The following ABHD12B variants were observed in gnomAD, a reference collection of about 807,000 sequenced individuals.
ABHD12B encodes the protein abhydrolase domain containing 12B, also known as protein ABHD12B.
A neutral mutation model predicts 50.4 loss-of-function variants in ABHD12B; 42 were observed. The observed-to-expected ratio is 0.83, with a 90% CI of 0.65 to 1.08. The LOEUF (loss-of-function observed/expected upper bound fraction) is 1.08. Among genes scored for constraint, ABHD12B ranks in the 50% least tolerant of loss-of-function variants. ABHD12B has a pLI of 0.00. For synonymous variants in ABHD12B, 167 were observed against 160.3 expected (o/e 1.04, Z -0.32); for missense variants, 479 against 447.7 (o/e 1.07, Z -0.63).
intron 9 of ABHD12B, among the ~76,000 whole-genome samples, chr14:50,895,322 G>A (rs2142761836): frequency 6.6e-6 from 1 of 151,690 alleles, no homozygotes; most frequent in East Asian, 1.9e-4. Context: ...GAAAAAAGTT[G>A]CAATTCCTTG....
intron 9 of ABHD12B, chr14:50,892,567 GTTAA>G (rs1291029276): frequency 2.0e-6 from 2 of 985,290 alleles, no homozygotes; most frequent in African/African-American, 3.5e-5. Context: ...CACAGCAGAA[GTTAA>G]TTAATTTTGT....
At chr14:50,903,287 A>C (rs2050285007) in intron 10 of ABHD12B, 102 bp from the exon 11 acceptor site, 1 of 828,294 alleles carries the variant, frequency 1.2e-6, no homozygotes, top group Non-Finnish European at 1.9e-6. Flanking sequence ...AATTTCTTGT[A>C]ATTTAGACAG....
At chr14:50,903,927 C>G (rs1000848884) in intron 11 of ABHD12B, 147 bp from the exon 12 acceptor site, 3 of 662,442 alleles carry the variant, frequency 4.5e-6, no homozygotes, top group Non-Finnish European at 8.0e-6. Flanking sequence ...TAGAGACAGG[C>G]AACTGGGACA....
chr14:50,903,480 C>G lies in ABHD12B; in HGVS notation c.942+13C>G. ...GTATGGGAAAAAGGTAAACTAAGGG[C>G]TCAATGCTGACTGAAATATACTATA... is the stretch of plus-strand genomic sequence containing the variant. On this transcript the variant is annotated intron_variant, in intron 11 of 12. Coordinates refer to ENST00000337334, the MANE Select transcript of ABHD12B (RefSeq NM_001206673.2). The G allele has an allele frequency of 6.2e-7, 1 of 1,603,346 alleles. No homozygotes were observed.
At chr14:50,903,101 GTGTTTTT>G (rs1297213957) in intron 10 of ABHD12B, among the ~76,000 whole-genome samples, 3 of 142,520 alleles carry the variant, frequency 2.1e-5, no homozygotes, top group Admixed American at 7.7e-5. Flanking sequence ...CAGTGTTTCA[GTGTTTTT>G]TGTTTTTTTT....
intron 9 of ABHD12B, among the ~76,000 whole-genome samples, chr14:50,894,451 T>G (rs934205007): frequency 6.6e-6 from 1 of 151,980 alleles, no homozygotes; most frequent in African/African-American, 2.4e-5. Context: ...TGGGCAAGCT[T>G]CCACCTTCCA....
At chr14:50,896,306 C>T (rs868310540) in intron 9 of ABHD12B, among the ~76,000 whole-genome samples, 1 of 152,178 alleles carries the variant, frequency 6.6e-6, no homozygotes, top group Non-Finnish European at 1.5e-5. Flanking sequence ...CATTCTCCCT[C>T]CATACCACCC....
chr14:50,883,723 A>G (rs1184788558), intron 5 of ABHD12B, among the ~76,000 whole-genome samples: 1 of 152,198 alleles, frequency 6.6e-6, no homozygotes, highest in Non-Finnish European at 1.5e-5. Flanking sequence ...CTTTGCCCCC[A>G]GGCAGATCGT....
rs866230660 is a variant in ABHD12B, at chr14:50,896,781, C to G, written c.781-5048C>G. Among the ~76,000 whole-genome samples, 46 of 152,238 alleles carry G rather than the reference C, an allele frequency of 3.0e-4. 1 individual carries two copies. Among genetic ancestry groups the G allele is most frequent in the Non-Finnish European group, 2.4e-4 (16 of 68,024 alleles). On this transcript the variant is annotated intron_variant, in intron 9 of 12. Transcript: ENST00000337334. The stretch of plus-strand genomic sequence containing the variant: ...CCCCACCCCTATCTCCCTTGGCTGA[C>G]TCTCTTTGCGGACTCAGCCCGCCTG...
At chr14:50,886,042 A>T in intron 7 of ABHD12B, 147 bp downstream of exon 7, 1 of 1,160,200 alleles carries the variant, frequency 8.6e-7, no homozygotes, top group South Asian at 1.5e-5. Context: ...GTGGCTGAAG[A>T]TCTTGCCATC....
At position 50,894,852 on chromosome 14, in the gene ABHD12B, C is replaced by G. The variant is rs946944711; in HGVS notation, c.780+5949C>G. ...TCTACAGACCCGTCTGACCTCTCCC[C>G]TCCTCGCCAGGCCGAGCTAGGCCTC... On this transcript the variant is annotated intron_variant, in intron 9 of 12. Coordinates refer to ENST00000337334, the MANE Select transcript of ABHD12B (RefSeq NM_001206673.2). 2.3e-4 allele frequency among the ~76,000 whole-genome samples: 34 copies of G among 148,436 alleles called. 5 individuals are homozygous for G. Among genetic ancestry groups the G allele is most frequent in the African/African-American group, 9.0e-4 (34 of 37,930 alleles).
chr14:50,881,473 C>T, intron 4 of ABHD12B, 123 bp from the exon 5 acceptor site: 8 of 1,021,120 alleles, frequency 7.8e-6, no homozygotes, highest in South Asian at 4.0e-5. Context: ...TTATTTATTC[C>T]TCCAACCTGA....
At chr14:50,894,603 A>G (rs1273732730) in intron 9 of ABHD12B, among the ~76,000 whole-genome samples, 1 of 152,162 alleles carries the variant, frequency 6.6e-6, no homozygotes, top group Non-Finnish European at 1.5e-5. Context: ...CCAAATAGCC[A>G]GAAAATGGCA....
At chr14:50,881,210 G>A (rs910462017) in intron 4 of ABHD12B, among the ~76,000 whole-genome samples, 4 of 152,066 alleles carry the variant, frequency 2.6e-5, no homozygotes, top group Admixed American at 6.5e-5. Context: ...GACGATCATC[G>A]GCTGTGACTG....
Position 50,904,562 on chromosome 14 carries a change from A to G in ABHD12B, c.*196A>G. On this transcript the variant is annotated 3_prime_UTR_variant, in exon 13 of 13. Transcript: ENST00000337334. ...GAATGTTCTTATTTAGCTTATCATAATCTACTTTGTAAAACATGCTGAAAC... is the reference window on the plus strand; with the variant it reads ...GAATGTTCTTATTTAGCTTATCATAGTCTACTTTGTAAAACATGCTGAAAC... 1.5e-6 allele frequency: 1 copy of G among 683,258 alleles called. No individual in the cohort carries two copies. The allele number at this position is 683,258 out of a possible 1,614,324, so 42.3% of individuals were successfully genotyped here.
At chr14:50,878,159 G>T (rs1021858587) in intron 2 of ABHD12B, 80 bp downstream of exon 2, 1 of 1,217,784 alleles carries the variant, frequency 8.2e-7, no homozygotes, top group Non-Finnish European at 1.1e-6. Context: ...TTGTGACGTA[G>T]TGAAAAGACA....
At chr14:50,896,749 A>G (rs1484810807) in intron 9 of ABHD12B, among the ~76,000 whole-genome samples, 1 of 151,988 alleles carries the variant, frequency 6.6e-6, no homozygotes. Flanking sequence ...CAAATCCTAT[A>G]AAACGGCCCC....
At chr14:50,882,826 C>A (rs184292615) in intron 5 of ABHD12B, among the ~76,000 whole-genome samples, 1 of 152,004 alleles carries the variant, frequency 6.6e-6, no homozygotes, top group African/African-American at 2.4e-5. Flanking sequence ...TTAAAATTAG[C>A]TGGATGTGGT....
chr14:50,899,324 C>T (rs1055236735), intron 9 of ABHD12B, among the ~76,000 whole-genome samples: 5 of 152,214 alleles, frequency 3.3e-5, no homozygotes, highest in African/African-American at 4.8e-5. Context: ...ATTTCCTTAC[C>T]ACATTCCCTA....
Sources: allele counts gnomAD v4.1 joint callset (sites outside exome capture counted in the v4.1 genomes callset), GRCh38; gene constraint gnomAD v4.1.1; transcripts MANE v1.5; gene names NCBI Gene and HGNC (gene_info 2026-07-23, HGNC 2026-07-21).